The following NADSYN1 variants were observed in gnomAD, a reference collection of about 807,000 sequenced individuals.
NADSYN1 encodes the protein NAD synthetase 1, also known as glutamine-dependent NAD(+) synthetase.
NADSYN1 carries 80 observed loss-of-function variants against 99.3 expected under a neutral mutation model. That is an observed-to-expected ratio of 0.81 (90% CI 0.67 to 0.97). The LOEUF (loss-of-function observed/expected upper bound fraction) is 0.97. Among genes scored for constraint, NADSYN1 ranks in the 50% least tolerant of loss-of-function variants. NADSYN1 has a pLI of 0.00. For synonymous variants in NADSYN1, 385 were observed against 372.1 expected, an observed-to-expected ratio of 1.03 and a Z score of -0.40; for missense variants, 859 against 948.5, an observed-to-expected ratio of 0.91 and a Z score of 1.24.
Position 71,493,580 on chromosome 11 carries a change from TAA to T in NADSYN1, c.1764+1686_1764+1687del, listed in dbSNP as rs58551920. ...TAACAAAAAATGTTAAAAAGCAAAATAAAAAAAAAATCATTTTTTTAATAGAG... is the reference window on the plus strand; with the variant it reads ...TAACAAAAAATGTTAAAAAGCAAAATAAAAAAAATCATTTTTTTAATAGAG... On this transcript the variant is annotated intron_variant, in intron 18 of 20. Coordinates refer to ENST00000319023, the MANE Select transcript of NADSYN1 (RefSeq NM_018161.5). 8.5e-3 allele frequency among the ~76,000 whole-genome samples: 1,279 copies of T among 150,206 alleles called. 22 individuals carry two copies. The highest frequency in any genetic ancestry group is 0.028 in the African/African-American group (1,158 of 41,028).
intron 20 of NADSYN1, 138 bp downstream of exon 20, chr11:71,498,666 G>GTA: frequency 1.1e-6 from 1 of 951,418 alleles, no homozygotes; most frequent in East Asian, 2.6e-5. Flanking sequence ...AAAGGGACAA[G>GTA]TATGTTTAAA....
intron 5 of NADSYN1, among the ~76,000 whole-genome samples, chr11:71,468,271 T>G (rs796803137): frequency 5.3e-5 from 8 of 152,222 alleles, no homozygotes; most frequent in Admixed American, 2.0e-4. Context: ...AAAGGATTGG[T>G]GAAAAAGGAT....
intron 20 of NADSYN1, among the ~76,000 whole-genome samples, chr11:71,500,356 C>G (rs1949849269): frequency 1.4e-5 from 2 of 143,082 alleles, no homozygotes; most frequent in African/African-American, 5.2e-5. Flanking sequence ...GGATCAGTGG[C>G]AGGGGTTCTA....
chr11:71,473,820 C>T, intron 8 of NADSYN1, 134 bp downstream of exon 8: 1 of 748,556 alleles, frequency 1.3e-6, no homozygotes, highest in South Asian at 1.7e-5. Context: ...GGCCTGGACT[C>T]AACAAGTGTG....
intron 18 of NADSYN1, among the ~76,000 whole-genome samples, chr11:71,493,695 T>C (rs1249804881): frequency 6.6e-6 from 1 of 152,254 alleles, no homozygotes; most frequent in Non-Finnish European, 1.5e-5. Context: ...GCTCCTATAA[T>C]TTCTTCCAAG....
intron 16 of NADSYN1, among the ~76,000 whole-genome samples, chr11:71,490,253 C>T (rs1949770049): frequency 6.6e-6 from 1 of 152,196 alleles, no homozygotes; most frequent in Admixed American, 6.5e-5. Context: ...AGTCAGGGCT[C>T]CCTCAACTCT....
chr11:71,493,745 C>G (rs892003501), intron 18 of NADSYN1, among the ~76,000 whole-genome samples: 4 of 152,054 alleles, frequency 2.6e-5, no homozygotes, highest in Admixed American at 6.6e-5. Context: ...GTCTGTGAGC[C>G]AGTTGAGTTA....
chr11:71,491,946 C>G (rs2120510074), intron 18 of NADSYN1, 43 bp downstream of exon 18: 4 of 1,569,898 alleles, frequency 2.5e-6, no homozygotes, highest in Non-Finnish European at 3.5e-6. Context: ...GCCCTCCTCC[C>G]CACCTCCTGT....
intron 16 of NADSYN1, among the ~76,000 whole-genome samples, chr11:71,488,257 C>T (rs1010365919): frequency 1.3e-5 from 2 of 152,080 alleles, no homozygotes; most frequent in African/African-American, 2.4e-5. Context: ...ACAGTGATAG[C>T]CCAGCAGATA....
intron 18 of NADSYN1, among the ~76,000 whole-genome samples, chr11:71,494,718 G>A (rs1432021335): frequency 6.6e-6 from 1 of 151,988 alleles, no homozygotes; most frequent in African/African-American, 2.4e-5. Flanking sequence ...TCCACGCCTG[G>A]CTAATTTTGT....
rs1224715037 is a variant in NADSYN1, at chr11:71,485,551, C to A, written c.1465C>A (p.Arg489=). 1.9e-6 allele frequency: 3 copies of A among 1,557,046 alleles called. No individual in the cohort carries two copies. The African/African-American group carries it at 4.1e-5, about 21-fold the overall frequency. The change falls in exon 16 of 21, where the codon CGG becomes AGG. Residue 489 remains arginine, a synonymous_variant. Transcript: ENST00000319023. ...CTGTTGTGTTTTCCAGGCTCGAATA[C>A]GGATGGTCCTCGCCTATCTGTTTGC... ...LALQNVQARI[R]MVLAYLFAQL...
intron 2 of NADSYN1, among the ~76,000 whole-genome samples, chr11:71,456,926 G>T (rs139940379): frequency 3.3e-5 from 5 of 152,226 alleles, no homozygotes; most frequent in African/African-American, 1.2e-4. Flanking sequence ...CACAGGGAGG[G>T]CCCAGTGGCC....
rs1591130490 is a variant in NADSYN1 at position 71,480,252 on chromosome 11, C to T, written c.874-503C>T. On this transcript the variant is annotated intron_variant, in intron 10 of 20. Transcript: ENST00000319023. ...ACAATGGCGCAATCCCAGCTCAGCA[C>T]AACCTCTGCCTCGTAGATTCAAGTG... 4 of 158,876 alleles carry T rather than the reference C, an allele frequency of 2.5e-5. No homozygotes were observed. In the South Asian group the frequency reaches 7.2e-4, roughly 28 times the overall value. 9.8% of individuals were successfully genotyped at this position (158,876 alleles called of 1,614,324 possible). A position where few individuals can be genotyped will look rare whatever the true frequency, so the allele number is the denominator to read the frequency against.
intron 16 of NADSYN1, among the ~76,000 whole-genome samples, chr11:71,486,773 C>T (rs1224690178): frequency 2.0e-5 from 3 of 151,472 alleles, no homozygotes; most frequent in Non-Finnish European, 2.9e-5. Context: ...TCTATCCCTC[C>T]CTTTTTTCTA....
intron 6 of NADSYN1, 136 bp downstream of exon 6, chr11:71,472,636 A>C (rs983634086): frequency 7.3e-6 from 6 of 817,678 alleles, no homozygotes; most frequent in Non-Finnish European, 1.2e-5. Context: ...TGAAACAGAC[A>C]AAGGAGGCAG....
intron 5 of NADSYN1, among the ~76,000 whole-genome samples, chr11:71,464,993 G>A (rs1949578443): frequency 1.3e-5 from 2 of 152,064 alleles, no homozygotes; most frequent in Non-Finnish European, 2.9e-5. Flanking sequence ...TCGACTAGCT[G>A]GGGCCAATGG....
At chr11:71,486,157 G>C (rs935307392) in intron 16 of NADSYN1, among the ~76,000 whole-genome samples, 19 of 152,182 alleles carry the variant, frequency 1.2e-4, no homozygotes, top group African/African-American at 4.6e-4. Flanking sequence ...TCCAGCCTTG[G>C]TTTCCCCACT....
At chr11:71,469,939 A>AAAAAAAAAAAAAC (rs1949616240) in intron 5 of NADSYN1, among the ~76,000 whole-genome samples, 2 of 151,490 alleles carry the variant, frequency 1.3e-5, no homozygotes, top group Non-Finnish European at 2.9e-5. Flanking sequence ...AAAAAAAAAA[A>AAAAAAAAAAAAAC]AAAAAGACGT....
At position 71,480,929 on chromosome 11, in the gene NADSYN1, C is replaced by G. The variant is rs540610782; in HGVS notation, c.998+50C>G. ...GGGACCTGGCGTCTGTGTGGCCACG[C>G]CCCTGGGGTGGGGACTCCTGGAGGT... On this transcript the variant is annotated intron_variant, in intron 11 of 20. Transcript: ENST00000319023. 39 of 1,603,042 alleles carry G rather than the reference C, an allele frequency of 2.4e-5. No homozygotes were observed. In the South Asian group the frequency reaches 3.2e-4, roughly 13 times the overall value.
Sources: allele counts gnomAD v4.1 joint callset (sites outside exome capture counted in the v4.1 genomes callset), GRCh38; gene constraint gnomAD v4.1.1; transcripts MANE v1.5; gene names NCBI Gene and HGNC (gene_info 2026-07-23, HGNC 2026-07-21).